Variants in NLGN4Y observed in about 807,000 individuals in gnomAD.
The protein encoded by NLGN4Y is neuroligin 4 Y-linked.
In NLGN4Y, 4 loss-of-function variants were observed where a neutral mutation model predicts 8.4. The observed-to-expected ratio is 0.48, with a 90% CI of 0.23 to 1.09. The LOEUF is 1.09. NLGN4Y is among the 50% of genes least tolerant of loss of function. The pLI is 0.19. For synonymous variants in NLGN4Y, 35 were observed against 75.6 expected (o/e 0.46, Z 2.78); for missense variants, 90 against 192.3 (o/e 0.47, Z 3.15).
chrY:14,632,386 G>T (rs2080552448), intron 2 of NLGN4Y, among the ~76,000 whole-genome samples: 1 of 33,917 alleles, frequency 2.9e-5, no homozygotes, highest in Non-Finnish European at 7.3e-5. Flanking sequence ...TGGATTTTGA[G>T]CATATGTGAA....
chrY:14,693,048 C>T (rs2150538036), intron 2 of NLGN4Y, among the ~76,000 whole-genome samples: 4 of 32,894 alleles, frequency 1.2e-4, no homozygotes, highest in South Asian at 6.9e-4. Context: ...TTTGTAGAGA[C>T]GGAGTATTGC....
intron 2 of NLGN4Y, among the ~76,000 whole-genome samples, chrY:14,624,997 T>A: frequency 5.9e-5 from 2 of 33,809 alleles, no homozygotes; most frequent in Admixed American, 2.7e-4. Context: ...TCTTTCTGCC[T>A]TGATCATATT....
intron 1 of NLGN4Y, among the ~76,000 whole-genome samples, chrY:14,611,563 A>G (rs1603501311): frequency 1.4e-3 from 36 of 26,606 alleles, no homozygotes; most frequent in South Asian, 5.9e-3. Context: ...TTGTTTATTT[A>G]TTTATTTATT....
chrY:14,683,077 C>T (rs759683073), intron 2 of NLGN4Y, among the ~76,000 whole-genome samples: 2 of 33,641 alleles, frequency 5.9e-5, no homozygotes, highest in African/African-American at 2.3e-4. Context: ...GTATAAATTT[C>T]TCTCTGTTCA....
chrY:14,588,763 C>G, intron 1 of NLGN4Y, among the ~76,000 whole-genome samples: 1 of 32,912 alleles, frequency 3.0e-5, no homozygotes, highest in Admixed American at 2.7e-4. Flanking sequence ...TGTTATAGCT[C>G]TTAAGGTGGC....
chrY:14,764,095 A>C (rs755262744), intron 4 of NLGN4Y, among the ~76,000 whole-genome samples: 4 of 33,567 alleles, frequency 1.2e-4, no homozygotes, highest in African/African-American at 3.5e-4. Flanking sequence ...TGCATAGTAC[A>C]TACAGGGTTC....
At chrY:14,666,158 A>T in intron 2 of NLGN4Y, among the ~76,000 whole-genome samples, 1 of 33,394 alleles carries the variant, frequency 3.0e-5, no homozygotes, top group African/African-American at 1.2e-4. Context: ...TGCAGCCTCC[A>T]ACTCCTTGTG....
chrY:14,825,969 T>C (rs1055097398), intron 5 of NLGN4Y, among the ~76,000 whole-genome samples: 2 of 33,480 alleles, frequency 6.0e-5, no homozygotes, highest in Non-Finnish European at 1.5e-4. Flanking sequence ...GCCACACCCC[T>C]GAGCCCTGCC....
At chrY:14,727,996 A>G (rs111866899) in intron 4 of NLGN4Y, among the ~76,000 whole-genome samples, 12 of 33,581 alleles carry the variant, frequency 3.6e-4, no homozygotes, top group African/African-American at 9.3e-4. Flanking sequence ...TCTGTTTCCG[A>G]TCAGTACCCA....
chrY:14,742,540 A>G, intron 4 of NLGN4Y, among the ~76,000 whole-genome samples: 1 of 32,950 alleles, frequency 3.0e-5, no homozygotes, highest in Non-Finnish European at 7.5e-5. Context: ...ATACTTTTAT[A>G]TATTAAAGGT....
intron 2 of NLGN4Y, chrY:14,639,791 C>G: frequency 7.2e-6 from 1 of 137,968 alleles, no homozygotes; most frequent in Non-Finnish European, 1.5e-5. Context: ...CTCTAAAAAT[C>G]AAAGCAGCTC....
At chrY:14,690,382 C>G (rs2080806008) in intron 2 of NLGN4Y, among the ~76,000 whole-genome samples, 1 of 32,580 alleles carries the variant, frequency 3.1e-5, no homozygotes, top group African/African-American at 1.2e-4. Flanking sequence ...TACCCAAGAG[C>G]AGTAAAATGA....
chrY:14,701,981 TTTTATTTA>T (rs752177363), intron 2 of NLGN4Y, among the ~76,000 whole-genome samples: 2 of 31,207 alleles, frequency 6.4e-5, no homozygotes, highest in Non-Finnish European at 1.5e-4. Context: ...GAGTATAAAT[TTTTATTTA>T]TTTATTTATT....
chrY:14,609,454 A>G, intron 1 of NLGN4Y, among the ~76,000 whole-genome samples: 1 of 33,559 alleles, frequency 3.0e-5, no homozygotes, highest in South Asian at 6.5e-4. Context: ...CCTTTTCTGC[A>G]TCTATTGGGA....
chrY:14,573,595 C>T (rs778313881), intron 1 of NLGN4Y, among the ~76,000 whole-genome samples: 1 of 33,290 alleles, frequency 3.0e-5, no homozygotes, highest in African/African-American at 1.2e-4. Context: ...TCTCTATTTC[C>T]TTCAGTTCTG....
chrY:14,776,718 G>C (rs2081127560), intron 4 of NLGN4Y, among the ~76,000 whole-genome samples: 2 of 31,690 alleles, frequency 6.3e-5, no homozygotes, highest in Admixed American at 5.9e-4. Context: ...ACAGGATTTT[G>C]CCTATTTTTT....
chrY:14,810,469 C>T, intron 4 of NLGN4Y, among the ~76,000 whole-genome samples: 1 of 31,065 alleles, frequency 3.2e-5, no homozygotes, highest in Non-Finnish European at 7.7e-5. Flanking sequence ...ATAGAGGTTA[C>T]AGTGGGCCGA....
At chrY:14,672,460 G>A in intron 2 of NLGN4Y, among the ~76,000 whole-genome samples, 1 of 27,125 alleles carries the variant, frequency 3.7e-5, no homozygotes, top group South Asian at 9.3e-4. Context: ...AGGAGGGGGA[G>A]CTTGAAGTGA....
At chrY:14,545,543 A>AT (rs2080169508) in intron 1 of NLGN4Y, among the ~76,000 whole-genome samples, 3 of 33,365 alleles carry the variant, frequency 9.0e-5, no homozygotes, top group Non-Finnish European at 1.5e-4. Flanking sequence ...GATGATGAGC[A>AT]TTTTTTCATG....
Sources: allele counts gnomAD v4.1 joint callset (sites outside exome capture counted in the v4.1 genomes callset), GRCh38; gene constraint gnomAD v4.1.1; transcripts MANE v1.5; gene names NCBI Gene and HGNC (gene_info 2026-07-23, HGNC 2026-07-21).